Variants in THAP9 observed in about 807,000 individuals in gnomAD.
The protein encoded by THAP9 is THAP domain containing 9.
A neutral mutation model predicts 35.7 loss-of-function variants in THAP9; 20 were observed. That is an observed-to-expected ratio of 0.56 (90% CI 0.39 to 0.81). The LOEUF (loss-of-function observed/expected upper bound fraction) is 0.81, where lower values mean the gene tolerates loss of function less well. Ranked by LOEUF, THAP9 falls within the 40% of genes least tolerant of loss-of-function variation. THAP9 has a pLI of 0.00. For synonymous variants in THAP9, 335 were observed against 373.7 expected, an observed-to-expected ratio of 0.90 and a Z score of 1.19; for missense variants, 870 against 1,047.4, an observed-to-expected ratio of 0.83 and a Z score of 2.34.
rs774721320 is a variant in THAP9, at chr4:82,917,275, C to T, written c.1063C>T (p.Arg355Cys). The change falls in exon 5 of 5, where the codon CGT becomes TGT. Residue 355 changes from arginine (R) to cysteine (C), a missense_variant. This residue lies in a region of THAP9 where 440 missense variants were observed against 501.2 expected (regional missense o/e 0.88). Transcript: ENST00000302236. ...TGGATATTTGCAGGCTCAGCTGCTT[C>T]GTCTGACTATTGGTAAACTGAGTGA... Reference protein sequence around the residue: ...ASGYLQAQLLRLTIGKLSDIG... With the variant: ...ASGYLQAQLLCLTIGKLSDIG... The T allele has an allele frequency of 5.6e-6, 9 of 1,614,130 alleles. No homozygotes were observed. Among genetic ancestry groups the T allele is most frequent in the Middle Eastern group, 1.6e-4 (1 of 6,062 alleles).
intron 4 of THAP9, 108 bp from the exon 5 acceptor site, chr4:82,916,836 G>T: frequency 1.1e-6 from 1 of 892,694 alleles, no homozygotes; most frequent in Non-Finnish European, 1.6e-6. Context: ...TTATATACTT[G>T]GCTTTATTTC....
At position 82,904,932 on chromosome 4, in the gene THAP9, G is replaced by A; in HGVS notation, c.276+1G>A. 1 of 1,612,974 alleles carries A rather than the reference G, an allele frequency of 6.2e-7. No homozygotes were observed. The highest frequency in any genetic ancestry group is 8.5e-7 in the Non-Finnish European group (1 of 1,179,526). On this transcript the variant is annotated splice_donor_variant, in intron 2 of 4. Transcript: ENST00000302236. LOFTEE classifies it high-confidence loss of function. Reference sequence around the variant, plus strand: ...TGTGCCTTCTGTTTCTCTATACAAGGTATTTAAATGTAGGTGTAAGTCAAC... The same window carrying A: ...TGTGCCTTCTGTTTCTCTATACAAGATATTTAAATGTAGGTGTAAGTCAAC...
chr4:82,903,597 G>A (rs1483610935), intron 1 of THAP9: 2 of 152,482 alleles, frequency 1.3e-5, no homozygotes, highest in African/African-American at 2.4e-5. Context: ...TCAAGGCTAG[G>A]AAAAAGTAGT....
At chr4:82,909,191 C>T (rs1025638456) in intron 4 of THAP9, among the ~76,000 whole-genome samples, 4 of 152,118 alleles carry the variant, frequency 2.6e-5, no homozygotes, top group African/African-American at 9.7e-5. Context: ...AGACATGAGC[C>T]ACTGTGCCCA....
chr4:82,918,842 A>G lies in THAP9; in HGVS notation c.2630A>G (p.Gln877Arg), dbSNP rs776776620. ...TCAAGGAAACACTGGTCATCTGTAC[A>G]GGATTATAAATGTTCAAGTTTTGCT... ...TLSRKHWSSVQDYKCSSFANT... is the reference protein window; with the variant it reads ...TLSRKHWSSVRDYKCSSFANT... Residue 877 changes from glutamine to arginine, a missense_variant, in exon 5 of 5, where the codon CAG becomes CGG. Gln to Arg is a conservative substitution (Grantham distance 43). Coordinates refer to ENST00000302236, the MANE Select transcript of THAP9 (RefSeq NM_024672.6). 1.2e-6 allele frequency: 2 copies of G among 1,613,260 alleles called. No homozygotes were observed. The highest frequency in any genetic ancestry group is 1.3e-5 in the African/African-American group (1 of 74,920).
In THAP9 at chr4:82,917,145, TG is replaced by T; in HGVS notation, c.934del (p.Ala312LeufsTer13). The T allele has an allele frequency of 6.2e-7, 1 of 1,613,440 alleles. No individual in the cohort carries two copies. The highest frequency in any genetic ancestry group is 8.5e-7 in the Non-Finnish European group (1 of 1,179,590). On this transcript the variant is annotated frameshift_variant, in exon 5 of 5. Coordinates refer to ENST00000302236, the MANE Select transcript of THAP9 (RefSeq NM_024672.6). LOFTEE classifies it low-confidence loss of function (END_TRUNC). ...FMDFGLGKLD[A>X]DETPLASETV... ...TGGACTTTGGTCTTGGAAAACTTGA[TG>T]CTGATGAAACGCCACTTGCTTCAGA...
At position 82,907,964 on chromosome 4, in the gene THAP9, A is replaced by G. The variant is rs1720721624; in HGVS notation, c.731+29A>G. 17 of 1,600,146 alleles carry G rather than the reference A, an allele frequency of 1.1e-5. No homozygotes were observed. The East Asian group carries it at 3.8e-4, about 36-fold the overall frequency. ...AGTGAATTATTTTTTTATTTTTTAAAAGTGACTTTCTTGTCAGGACATCTT... is the reference window on the plus strand; with the variant it reads ...AGTGAATTATTTTTTTATTTTTTAAGAGTGACTTTCTTGTCAGGACATCTT... On this transcript the variant is annotated intron_variant, in intron 4 of 4. Coordinates refer to ENST00000302236, the MANE Select transcript of THAP9 (RefSeq NM_024672.6).
chr4:82,900,977 C>G, intron 1 of THAP9, 95 bp downstream of exon 1: 1 of 1,437,434 alleles, frequency 7.0e-7, no homozygotes, highest in Non-Finnish European at 9.6e-7. Flanking sequence ...CACTGTGGGT[C>G]GCGCCGCGTG....
Position 82,917,981 on chromosome 4 carries a change from A to C in THAP9, c.1769A>C (p.Asn590Thr). 1 of 1,614,066 alleles carries C rather than the reference A, an allele frequency of 6.2e-7. No individual in the cohort carries two copies. Among genetic ancestry groups the C allele is most frequent in the South Asian group, 1.1e-5 (1 of 91,076 alleles). The change falls in exon 5 of 5, where the codon AAT becomes ACT. Residue 590 changes from asparagine to threonine, a missense_variant. Asn to Thr is a moderately conservative substitution (Grantham distance 65). Transcript: ENST00000302236. ...NAESLKWLYQ[N>T]YVFPKVMPFP... Reference sequence around the variant, plus strand: ...GAGAGCTTAAAATGGCTCTACCAAAATTATGTTTTCCCAAAGGTCATGCCT... The same window carrying C: ...GAGAGCTTAAAATGGCTCTACCAAACTTATGTTTTCCCAAAGGTCATGCCT...
At chr4:82,904,339 G>A (rs1242780052) in intron 1 of THAP9, among the ~76,000 whole-genome samples, 1 of 152,194 alleles carries the variant, frequency 6.6e-6, no homozygotes, top group Non-Finnish European at 1.5e-5. Context: ...TGGGATTACA[G>A]GCATGAGCCA....
chr4:82,902,364 C>T (rs1578442293), intron 1 of THAP9, among the ~76,000 whole-genome samples: 1 of 151,854 alleles, frequency 6.6e-6, no homozygotes, highest in Non-Finnish European at 1.5e-5. Context: ...TGCCCAGCCC[C>T]AGCCTTTTTC....
At chr4:82,905,505 C>G (rs892111663) in intron 2 of THAP9, among the ~76,000 whole-genome samples, 3 of 149,856 alleles carry the variant, frequency 2.0e-5, no homozygotes, top group Non-Finnish European at 4.4e-5. Context: ...CCTAACTGTT[C>G]TATTCTGACA....
At chr4:82,903,813 A>T (rs934192980) in intron 1 of THAP9, among the ~76,000 whole-genome samples, 1 of 152,088 alleles carries the variant, frequency 6.6e-6, no homozygotes, top group Non-Finnish European at 1.5e-5. Flanking sequence ...AAAAAGACTA[A>T]CTCAACATGG....
chr4:82,904,647 A>T, intron 1 of THAP9, 89 bp from the exon 2 acceptor site: 1 of 1,194,504 alleles, frequency 8.4e-7, no homozygotes, highest in Non-Finnish European at 1.2e-6. Context: ...ATAAAGCAGT[A>T]AAATAATAGA....
Position 82,918,249 on chromosome 4 carries a change from T to G in THAP9, c.2037T>G (p.Gly679=), listed in dbSNP as rs372661361. The G allele has an allele frequency of 1.9e-6, 3 of 1,614,070 alleles. No individual in the cohort carries two copies. Among genetic ancestry groups the G allele is most frequent in the Non-Finnish European group, 2.5e-6 (3 of 1,180,026 alleles). The change falls in exon 5 of 5, where the codon GGT becomes GGG. Residue 679 remains glycine, a synonymous_variant. Transcript: ENST00000302236. The part of the protein sequence containing the change: ...LALWTVQRQY[G]VSVTKTVFHE... ...TTTGGACAGTTCAACGTCAGTATGG[T>G]GTCAGCGTTACAAAGACTGTCTTTC... is the stretch of plus-strand genomic sequence containing the variant.
intron 1 of THAP9, among the ~76,000 whole-genome samples, chr4:82,901,931 A>G (rs1720414479): frequency 6.6e-6 from 1 of 152,108 alleles, no homozygotes; most frequent in Admixed American, 6.5e-5. Context: ...TTCTTCTGTA[A>G]GAGGAATAAA....
Position 82,906,644 on chromosome 4 carries a change from A to G in THAP9, c.580+17A>G. The stretch of plus-strand genomic sequence containing the variant: ...AATTTTCAGGTACTTCCCCCTAGTA[A>G]CCTGTAGTATTTACAAAAATAGCTA... On this transcript the variant is annotated intron_variant, in intron 3 of 4. Transcript: ENST00000302236. 6.4e-7 allele frequency: 1 copy of G among 1,552,730 alleles called. No homozygotes were observed. Among genetic ancestry groups the G allele is most frequent in the South Asian group, 1.2e-5 (1 of 81,522 alleles).
chr4:82,904,677 C>A (rs1220786374), intron 1 of THAP9, 59 bp from the exon 2 acceptor site: 4 of 1,445,008 alleles, frequency 2.8e-6, no homozygotes, highest in Admixed American at 1.7e-5. Flanking sequence ...ATAATAAATA[C>A]TACTGTAATA....
chr4:82,904,128 G>A (rs1054602268), intron 1 of THAP9, among the ~76,000 whole-genome samples: 20 of 139,942 alleles, frequency 1.4e-4, no homozygotes, highest in East Asian at 6.4e-4. Flanking sequence ...GTAATGGTGC[G>A]ATCTCGGCTC....
Sources: allele counts gnomAD v4.1 joint callset (sites outside exome capture counted in the v4.1 genomes callset), GRCh38; gene constraint gnomAD v4.1.1; regional missense constraint gnomAD v4.1.1; transcripts MANE v1.5; gene names NCBI Gene and HGNC (gene_info 2026-07-23, HGNC 2026-07-21).